The following ANXA8 variants were observed in gnomAD, a reference collection of about 807,000 sequenced individuals.
ANXA8 encodes the protein annexin A8.
ANXA8 carries 9 observed loss-of-function variants against 26.8 expected under a neutral mutation model. The observed-to-expected ratio is 0.34, with a 90% CI of 0.20 to 0.59. The LOEUF (loss-of-function observed/expected upper bound fraction) is 0.59. Ranked by LOEUF, ANXA8 falls within the 20% of genes least tolerant of loss-of-function variation. The probability of loss-of-function intolerance (pLI) is 0.84; values close to 1 mark genes in which losing one functional copy is unlikely to be tolerated. For synonymous variants in ANXA8, 39 were observed against 94.8 expected (o/e 0.41, Z 3.42); for missense variants, 83 against 238.5 (o/e 0.35, Z 4.29).
chr10:47,497,356 C>G, the ANXA8 span, among the ~76,000 whole-genome samples: 1 of 141,776 alleles, frequency 7.1e-6, no homozygotes. Flanking sequence ...TGGCTCACAC[C>G]TGTAATCCCA....
At chr10:47,976,420 G>T in the ANXA8 span, among the ~76,000 whole-genome samples, 1 of 151,420 alleles carries the variant, frequency 6.6e-6, no homozygotes, top group Non-Finnish European at 1.5e-5. Flanking sequence ...GAACATAAAT[G>T]TTCTCAGCTA....
the ANXA8 span, among the ~76,000 whole-genome samples, chr10:47,733,202 TTTCTTTCTTTC>T: frequency 3.8e-4 from 39 of 101,970 alleles, no homozygotes; most frequent in East Asian, 1.6e-3. Context: ...TCTTTCTTTC[TTTCTTTCTTTC>T]TTTCTTTCTC....
chr10:47,742,913 G>C, the ANXA8 span, among the ~76,000 whole-genome samples: 1 of 143,226 alleles, frequency 7.0e-6, no homozygotes, highest in African/African-American at 2.6e-5. Context: ...CCAGCACTTT[G>C]GGAGGCTGAG....
the ANXA8 span, among the ~76,000 whole-genome samples, chr10:47,659,840 T>A: frequency 8.6e-5 from 13 of 151,566 alleles, no homozygotes; most frequent in Admixed American, 6.6e-5. Flanking sequence ...CACTGCAACC[T>A]CCGCCTCCCA....
chr10:47,940,373 G>A, the ANXA8 span, among the ~76,000 whole-genome samples: 1 of 146,618 alleles, frequency 6.8e-6, no homozygotes. Context: ...CTCCAACAGG[G>A]GACCAGGGAG....
At chr10:47,702,787 C>T in the ANXA8 span, among the ~76,000 whole-genome samples, 1 of 151,650 alleles carries the variant, frequency 6.6e-6, no homozygotes, top group African/African-American at 2.4e-5. Context: ...GTGTGCACTA[C>T]CACGCCTGGC....
At chr10:47,766,106 A>T in the ANXA8 span, among the ~76,000 whole-genome samples, 1 of 143,736 alleles carries the variant, frequency 7.0e-6, no homozygotes, top group South Asian at 2.3e-4. Flanking sequence ...GGCCTCCATG[A>T]AGGCAGGGGG....
the ANXA8 span, among the ~76,000 whole-genome samples, chr10:47,918,425 GAA>G: frequency 6.0e-4 from 21 of 34,802 alleles, 2 homozygotes; most frequent in East Asian, 6.6e-3. Flanking sequence ...AAGAAAGAAA[GAA>G]AGAAAGAGAG....
the ANXA8 span, among the ~76,000 whole-genome samples, chr10:47,732,884 C>G: frequency 1.4e-5 from 2 of 145,954 alleles, no homozygotes; most frequent in African/African-American, 5.1e-5. Flanking sequence ...AGTTCACAGG[C>G]AAGCTGGTGA....
chr10:47,503,162 T>C, the ANXA8 span: 197 of 1,608,062 alleles, frequency 1.2e-4, 1 homozygote, highest in Non-Finnish European at 1.6e-4. Flanking sequence ...ATATTCTTCA[T>C]ATAATCACCT....
chr10:47,966,511 C>T, the ANXA8 span, among the ~76,000 whole-genome samples: 2 of 148,974 alleles, frequency 1.3e-5, no homozygotes, highest in Non-Finnish European at 3.0e-5. Flanking sequence ...GCATTGAGTA[C>T]TAGGCCTCCA....
At chr10:47,689,822 T>C in the ANXA8 span, 8 of 1,203,604 alleles carry the variant, frequency 6.6e-6, no homozygotes, top group Non-Finnish European at 9.6e-6. Flanking sequence ...TGGAAAAAAA[T>C]TCAGCTTTTA....
At chr10:47,745,313 TA>T in the ANXA8 span, among the ~76,000 whole-genome samples, 35 of 146,584 alleles carry the variant, frequency 2.4e-4, no homozygotes, top group African/African-American at 8.7e-4. Flanking sequence ...CCATCCCCTT[TA>T]AAAGTATTTA....
upstream of ANXA8, chr10:47,487,194 A>C: frequency 1.3e-6 from 1 of 776,498 alleles, no homozygotes; most frequent in African/African-American, 1.7e-5. Context: ...TTCCATCCAA[A>C]TGGGAATAAA....
chr10:47,732,723 A>G, the ANXA8 span, among the ~76,000 whole-genome samples: 618 of 144,450 alleles, frequency 4.3e-3, 4 homozygotes, highest in African/African-American at 0.015. Context: ...TTCATTTTAC[A>G]TCTTTTTTTT....
At chr10:47,944,032 G>T in the ANXA8 span, among the ~76,000 whole-genome samples, 1 of 147,572 alleles carries the variant, frequency 6.8e-6, no homozygotes, top group Non-Finnish European at 1.5e-5. Context: ...TTTCTTAGTT[G>T]GCTCGGGCCG....
chr10:47,980,211 A>C, the ANXA8 span, among the ~76,000 whole-genome samples: 1 of 151,594 alleles, frequency 6.6e-6, no homozygotes. Flanking sequence ...GAAAATTAGA[A>C]AATTATTTGA....
At chr10:47,694,034 G>T in the ANXA8 span, among the ~76,000 whole-genome samples, 1 of 151,554 alleles carries the variant, frequency 6.6e-6, no homozygotes, top group Non-Finnish European at 1.5e-5. Flanking sequence ...CCTCTCAGGG[G>T]CCTTTTCCGT....
the ANXA8 span, among the ~76,000 whole-genome samples, chr10:47,748,442 A>T: frequency 6.6e-6 from 1 of 151,808 alleles, no homozygotes; most frequent in Non-Finnish European, 1.5e-5. Flanking sequence ...CAAACTTCTG[A>T]CCTCAGGTGA....
Sources: allele counts gnomAD v4.1 joint callset (sites outside exome capture counted in the v4.1 genomes callset), GRCh38; gene constraint gnomAD v4.1.1; transcripts MANE v1.5; gene names NCBI Gene and HGNC (gene_info 2026-07-23, HGNC 2026-07-21).